Variants in ABCB1 observed in about 807,000 individuals in gnomAD.
The protein encoded by ABCB1 is ATP-dependent translocase ABCB1.
A neutral mutation model predicts 142.0 loss-of-function variants in ABCB1; 69 were observed. The ratio of observed to expected loss-of-function variants is 0.49; its 90% CI spans 0.40 to 0.59. The LOEUF is 0.59. ABCB1 is among the 20% of genes least tolerant of loss of function. The pLI, the probability that ABCB1 is intolerant of heterozygous loss-of-function variation, is 0.00. For missense variants in ABCB1, 1,326 were observed against 1,554.7 expected, an observed-to-expected ratio of 0.85 and a Z score of 2.47; for synonymous variants, 532 against 539.2, an observed-to-expected ratio of 0.99 and a Z score of 0.18.
intron 26 of ABCB1, among the ~76,000 whole-genome samples, chr7:87,507,881 G>C (rs188926348): frequency 6.6e-6 from 1 of 152,258 alleles, no homozygotes; most frequent in East Asian, 1.9e-4. Flanking sequence ...AGTAATGCAG[G>C]AACAGAAAGC....
At chr7:87,646,185 A>G (rs1822980321) in intron 1 of ABCB1, among the ~76,000 whole-genome samples, 1 of 152,220 alleles carries the variant, frequency 6.6e-6, no homozygotes, top group Non-Finnish European at 1.5e-5. Flanking sequence ...AACGTAACCT[A>G]TGAGTAATGT....
In ABCB1 at chr7:87,553,773, T is replaced by C; in HGVS notation, c.987A>G (p.Gly329=). 7 of 1,614,076 alleles carry C rather than the reference T, an allele frequency of 4.3e-6. No individual in the cohort carries two copies. The highest frequency in any genetic ancestry group is 5.9e-6 in the Non-Finnish European group (7 of 1,179,932). Residue 329 remains glycine (G), a synonymous_variant, in exon 9 of 28, where the codon GGA becomes GGG. Transcript: ENST00000622132. ...TLVLSGEYSI[G]QVLTVFFSVL... ...GTAAACCACTTACAGTGAGTACTTG[T>C]CCAATAGAATATTCCCCTGAGAGGA...
At chr7:87,646,193 T>G (rs1313994114) in intron 1 of ABCB1, among the ~76,000 whole-genome samples, 2 of 152,208 alleles carry the variant, frequency 1.3e-5, no homozygotes, top group Non-Finnish European at 2.9e-5. Flanking sequence ...CTATGAGTAA[T>G]GTAGAAAAAT....
At chr7:87,569,573 T>C (rs1461772709) in intron 5 of ABCB1, among the ~76,000 whole-genome samples, 1 of 152,038 alleles carries the variant, frequency 6.6e-6, no homozygotes, top group African/African-American at 2.4e-5. Context: ...GAATCAGATG[T>C]TGAGTTTAAA....
chr7:87,618,742 T>C (rs1048444122), intron 1 of ABCB1, among the ~76,000 whole-genome samples: 1 of 152,190 alleles, frequency 6.6e-6, no homozygotes, highest in African/African-American at 2.4e-5. Context: ...ATTATCTAGG[T>C]AGGCGAAATC....
intron 14 of ABCB1, 99 bp from the exon 15 acceptor site, chr7:87,546,123 T>A: frequency 8.4e-7 from 1 of 1,196,164 alleles, no homozygotes; most frequent in Non-Finnish European, 1.2e-6. Flanking sequence ...GTGGGCATTG[T>A]AAAACCATCA....
intron 1 of ABCB1, among the ~76,000 whole-genome samples, chr7:87,660,197 A>T (rs1252796706): frequency 1.3e-5 from 2 of 152,094 alleles, no homozygotes; most frequent in African/African-American, 2.4e-5. Context: ...GGTAGCAGTT[A>T]CCAGTAAAAA....
chr7:87,550,069 A>C lies in ABCB1; in HGVS notation c.1351-15T>G. On this transcript the variant is annotated splice_polypyrimidine_tract_variant and intron_variant, in intron 12 of 27. Transcript: ENST00000622132. ...TCAACACTGACCTGGAATAAAAAGT[A>C]AGTGTGACTTTCATACATTTGTAAT... 1 of 1,614,100 alleles carries C rather than the reference A, an allele frequency of 6.2e-7. No homozygotes were observed. The highest frequency in any genetic ancestry group is 8.5e-7 in the Non-Finnish European group (1 of 1,179,976).
At chr7:87,551,686 C>T (rs1481121904) in intron 9 of ABCB1, among the ~76,000 whole-genome samples, 2 of 151,994 alleles carry the variant, frequency 1.3e-5, no homozygotes, top group Non-Finnish European at 2.9e-5. Context: ...GAGATGAGAT[C>T]TCACTATGTT....
At chr7:87,700,537 A>T (rs1215807778) in intron 1 of ABCB1, 1 of 1,612,760 alleles carries the variant, frequency 6.2e-7, no homozygotes, top group Non-Finnish European at 8.5e-7. Flanking sequence ...GGAAAATGTC[A>T]GTTCTTCTAG....
chr7:87,689,166 A>T (rs983696559), intron 1 of ABCB1, among the ~76,000 whole-genome samples: 2 of 152,090 alleles, frequency 1.3e-5, no homozygotes, highest in African/African-American at 4.8e-5. Flanking sequence ...TTATTGATAA[A>T]ATTATCTGAG....
At chr7:87,612,918 G>GTGCCATC (rs1285966831) in intron 1 of ABCB1, among the ~76,000 whole-genome samples, 1 of 151,278 alleles carries the variant, frequency 6.6e-6, no homozygotes, top group Admixed American at 6.6e-5. Context: ...CCATTTGTTT[G>GTGCCATC]TGCCATCTAT....
At chr7:87,672,644 CA>C (rs1365102287) in intron 1 of ABCB1, among the ~76,000 whole-genome samples, 1 of 152,200 alleles carries the variant, frequency 6.6e-6, no homozygotes, top group Admixed American at 6.5e-5. Flanking sequence ...GTCTGAGCAG[CA>C]TCTCTGCCAA....
rs1288076350 is a variant in ABCB1, at chr7:87,515,274, A to G, written c.3239T>C (p.Val1080Ala). Residue 1080 changes from valine (V) to alanine (A), a missense_variant, in exon 25 of 28, where the codon GTC becomes GCC. Transcript: ENST00000622132. ...GTCGTAGAACCGCTCCAGGAGCTGG[A>G]CCACTGTGCTCTTCCCACAGCCACT... ...GSSGCGKSTV[V>A]QLLERFYDPL... The G allele has an allele frequency of 1.9e-6, 3 of 1,614,138 alleles. No homozygotes were observed. The Admixed American group carries it at 5.0e-5, about 27-fold the overall frequency.
chr7:87,573,397 A>G (rs1433236613), intron 4 of ABCB1, among the ~76,000 whole-genome samples: 1 of 152,178 alleles, frequency 6.6e-6, no homozygotes, highest in Non-Finnish European at 1.5e-5. Flanking sequence ...TGCAGGCTCC[A>G]GGCTGACCTC....
rs763091787 is a variant in ABCB1 at position 87,509,379 on chromosome 7, C to T, written c.3385G>A (p.Glu1129Lys). The T allele has an allele frequency of 5.0e-5, 81 of 1,614,168 alleles. No individual in the cohort carries two copies. The highest frequency in any genetic ancestry group is 2.9e-4 in the East Asian group (13 of 44,876). Residue 1129 changes from glutamate (E) to lysine (K), a missense_variant, in exon 26 of 28, where the codon GAG (glutamate) becomes AAG (lysine). Glu to Lys is a moderately conservative substitution (Grantham distance 56). Coordinates refer to ENST00000622132, the MANE Select transcript of ABCB1 (RefSeq NM_001348946.2). ...CTGTTGTCTCCATAGGCAATGTTCT[C>T]AGCAATGCTGCAGTCAAACAGGATG... The part of the protein sequence containing the change: ...EPILFDCSIA[E>K]NIAYGDNSRV...
chr7:87,691,624 G>T (rs1828022901), intron 1 of ABCB1, among the ~76,000 whole-genome samples: 1 of 152,022 alleles, frequency 6.6e-6, no homozygotes, highest in African/African-American at 2.4e-5. Flanking sequence ...TTTGTCATAC[G>T]CTTGTTTATT....
chr7:87,662,924 G>A (rs1381881848), intron 1 of ABCB1, among the ~76,000 whole-genome samples: 1 of 151,830 alleles, frequency 6.6e-6, no homozygotes, highest in Non-Finnish European at 1.5e-5. Context: ...TAAATTTCTG[G>A]CATCAGTGTT....
chr7:87,631,618 C>T (rs924428782), intron 1 of ABCB1, among the ~76,000 whole-genome samples: 8 of 152,232 alleles, frequency 5.3e-5, no homozygotes, highest in East Asian at 3.9e-4. Flanking sequence ...TGGTCTCGAT[C>T]TGCTGACCTC....
Sources: allele counts gnomAD v4.1 joint callset (sites outside exome capture counted in the v4.1 genomes callset), GRCh38; gene constraint gnomAD v4.1.1; transcripts MANE v1.5; gene names NCBI Gene and HGNC (gene_info 2026-07-23, HGNC 2026-07-21).